The following CORO1C variants were observed in gnomAD, a reference collection of about 807,000 sequenced individuals.
CORO1C encodes coronin 1C, also known as coronin-1C.
In CORO1C, 14 loss-of-function variants were observed where a neutral mutation model predicts 51.2. That is an observed-to-expected ratio of 0.27 (90% CI 0.18 to 0.43). The LOEUF is 0.43. Among genes scored for constraint, CORO1C ranks in the 20% least tolerant of loss-of-function variants. The pLI is 1.00. For synonymous variants in CORO1C, 181 were observed against 210.5 expected (o/e 0.86, Z 1.21); for missense variants, 417 against 607.8 (o/e 0.69, Z 3.30).
At chr12:108,654,609 A>C (rs1565901325) in intron 6 of CORO1C, among the ~76,000 whole-genome samples, 199 bp from the exon 7 acceptor site, 1 of 152,164 alleles carries the variant, frequency 6.6e-6, no homozygotes, top group African/African-American at 2.4e-5. Flanking sequence ...CAACTCACAA[A>C]ATTTCACTGA....
At chr12:108,680,286 T>C (rs1286502112) in intron 2 of CORO1C, among the ~76,000 whole-genome samples, 1 of 152,222 alleles carries the variant, frequency 6.6e-6, no homozygotes, top group African/African-American at 2.4e-5. Flanking sequence ...AGGTAAGTTC[T>C]AAGTTGAGGC....
Position 108,706,788 on chromosome 12 carries a change from TG to T in CORO1C, c.-5-5466del, listed in dbSNP as rs369629722. 5.3e-4 allele frequency among the ~76,000 whole-genome samples: 81 copies of T among 152,280 alleles called. 1 individual carries two copies. The East Asian group carries it at 0.014, about 26-fold the overall frequency. On this transcript the variant is annotated intron_variant, in intron 1 of 10. Coordinates refer to ENST00000261401, the MANE Select transcript of CORO1C (RefSeq NM_014325.4). ...TAGCAGAGACAGGGTTTCACTATGT[TG>T]GTCAGACTGGTCTCGAACTCTTGAC...
intron 4 of CORO1C, among the ~76,000 whole-genome samples, chr12:108,661,630 AT>A (rs955227142): frequency 1.8e-4 from 28 of 152,056 alleles, no homozygotes; most frequent in African/African-American, 6.5e-4. Flanking sequence ...GAAGGAGTGT[AT>A]TTGCCTAATA....
In CORO1C at chr12:108,648,944, T is replaced by C. The variant is rs780889572; in HGVS notation, c.1059+19A>G. On this transcript the variant is annotated intron_variant, in intron 9 of 10. Transcript: ENST00000261401. ...ACATTTGTTTAAAATATGGATTGTC[T>C]AGAAAACTCAGCACTCACCTTCCTG... is the stretch of plus-strand genomic sequence containing the variant. 2.5e-6 allele frequency: 4 copies of C among 1,613,672 alleles called. No homozygotes were observed. The Admixed American group carries it at 6.7e-5, about 27-fold the overall frequency.
intron 6 of CORO1C, among the ~76,000 whole-genome samples, chr12:108,654,998 C>T (rs2032873327): frequency 6.6e-6 from 1 of 152,224 alleles, no homozygotes; most frequent in South Asian, 2.1e-4. Flanking sequence ...GGCCACTGCG[C>T]CTACCCTATT....
chr12:108,719,701 TTA>T (rs2035429001), intron 1 of CORO1C, among the ~76,000 whole-genome samples: 1 of 152,162 alleles, frequency 6.6e-6, no homozygotes, highest in Non-Finnish European at 1.5e-5. Context: ...ATAAGGCTAT[TTA>T]ATGACAATAG....
intron 8 of CORO1C, 70 bp downstream of exon 8, chr12:108,652,202 C>T: frequency 6.9e-7 from 1 of 1,441,240 alleles, no homozygotes; most frequent in Non-Finnish European, 9.6e-7. Context: ...GAAGTATATG[C>T]TAGTCCAAGT....
chr12:108,710,206 A>T (rs1411483279), intron 1 of CORO1C, among the ~76,000 whole-genome samples: 2 of 152,316 alleles, frequency 1.3e-5, no homozygotes, highest in African/African-American at 4.8e-5. Flanking sequence ...ACACAGGCTC[A>T]ACTATGAGAT....
At chr12:108,657,477 G>A (rs754817920) in intron 5 of CORO1C, 54 bp from the exon 6 acceptor site, 7 of 1,592,264 alleles carry the variant, frequency 4.4e-6, no homozygotes, top group Admixed American at 1.7e-5. Context: ...GACAAGGTGA[G>A]TGGAGAAACT....
intron 1 of CORO1C, among the ~76,000 whole-genome samples, chr12:108,709,881 T>C (rs2035130387): frequency 6.6e-6 from 1 of 152,232 alleles, no homozygotes; most frequent in Non-Finnish European, 1.5e-5. Flanking sequence ...TTCTTAAAAC[T>C]GCATAGGCTT....
chr12:108,673,934 C>T (rs962494809), intron 3 of CORO1C, among the ~76,000 whole-genome samples: 1 of 151,790 alleles, frequency 6.6e-6, no homozygotes, highest in South Asian at 2.1e-4. Context: ...ACTCTATGTT[C>T]TAGAAATGGA....
intron 1 of CORO1C, among the ~76,000 whole-genome samples, chr12:108,721,876 A>G (rs1004009206): frequency 2.0e-5 from 3 of 152,206 alleles, no homozygotes; most frequent in African/African-American, 7.2e-5. Context: ...CACTTCGCCA[A>G]AACCTAAGAC....
chr12:108,658,883 G>T lies in CORO1C; in HGVS notation c.485C>A (p.Thr162Lys), dbSNP rs756734816. 30 of 1,612,840 alleles carry T rather than the reference G, an allele frequency of 1.9e-5. No homozygotes were observed. Among genetic ancestry groups the T allele is most frequent in the Non-Finnish European group, 2.5e-5 (30 of 1,178,938 alleles). ...GTCCAAGTTTATAAGGGCTTCCCCTGTTCCCACATTCCAGATGATAATGGC... is the reference window on the plus strand; with the variant it reads ...GTCCAAGTTTATAAGGGCTTCCCCTTTTCCCACATTCCAGATGATAATGGC... The part of the protein sequence containing the change: ...DNAIIIWNVG[T>K]GEALINLDDM... The change falls in exon 5 of 11, where the codon ACA becomes AAA. Residue 162 changes from threonine (T) to lysine (K), a missense_variant. Thr to Lys is a moderately conservative substitution (Grantham distance 78). Transcript: ENST00000261401. The surrounding 1 kb of genome is among the most constrained non-coding windows in gnomAD (Gnocchi z 4.9).
At chr12:108,705,424 C>A (rs866019749) in intron 1 of CORO1C, among the ~76,000 whole-genome samples, 4 of 138,394 alleles carry the variant, frequency 2.9e-5, no homozygotes, top group Admixed American at 1.5e-4. Context: ...CACGCCACTG[C>A]ACTCCAGCCT....
At chr12:108,671,964 T>C (rs1049786823) in intron 3 of CORO1C, among the ~76,000 whole-genome samples, 8 of 152,168 alleles carry the variant, frequency 5.3e-5, no homozygotes, top group African/African-American at 1.9e-4. Context: ...GGTTTCACCA[T>C]GTTGCCCAGG....
At chr12:108,694,776 T>C (rs7312102) in intron 2 of CORO1C, among the ~76,000 whole-genome samples, 3,236 of 108,566 alleles carry the variant, frequency 0.03, 107 homozygotes, top group African/African-American at 0.11. Flanking sequence ...TATATAGATA[T>C]TATATTTCTA....
At chr12:108,697,711 G>A (rs958907264) in intron 2 of CORO1C, among the ~76,000 whole-genome samples, 2 of 152,124 alleles carry the variant, frequency 1.3e-5, no homozygotes, top group Non-Finnish European at 2.9e-5. Flanking sequence ...TTCTAATGAG[G>A]AGACAAACAC....
intron 2 of CORO1C, among the ~76,000 whole-genome samples, chr12:108,682,168 AG>A (rs1337341639): frequency 6.6e-6 from 1 of 152,088 alleles, no homozygotes; most frequent in Non-Finnish European, 1.5e-5. Context: ...ACTCATGAAA[AG>A]CAGAGACAAA....
chr12:108,678,363 A>G lies in CORO1C; in HGVS notation c.227T>C (p.Val76Ala). The G allele has an allele frequency of 6.2e-7, 1 of 1,600,972 alleles. No individual in the cohort carries two copies. The highest frequency in any genetic ancestry group is 8.5e-7 in the Non-Finnish European group (1 of 1,173,646). Residue 76 changes from valine to alanine, a missense_variant, in exon 3 of 11, where the codon GTA becomes GCA. Physicochemically the swap from Val to Ala is moderately conservative, Grantham distance 64 (BLOSUM62 0). Transcript: ENST00000261401. The part of the protein sequence containing the change: ...TGRIDKSYPT[V>A]CGHTGPVLDI... ...CAGCACTGGTCCTGTGTGGCCACAT[A>G]CTGTAGGGTAAGATTTGTCAATTCG...
Sources: allele counts gnomAD v4.1 joint callset (sites outside exome capture counted in the v4.1 genomes callset), GRCh38; gene constraint gnomAD v4.1.1; non-coding constraint Gnocchi (gnomAD v3.1); transcripts MANE v1.5; gene names NCBI Gene and HGNC (gene_info 2026-07-23, HGNC 2026-07-21).